Variants in STPG4 observed in about 807,000 individuals in gnomAD.
STPG4 encodes protein STPG4.
STPG4 carries 41 observed loss-of-function variants against 31.5 expected under a neutral mutation model. That is an observed-to-expected ratio of 1.30 (90% confidence interval 1.01 to 1.69). The LOEUF (loss-of-function observed/expected upper bound fraction) is 1.69. STPG4 is among the 40% of genes most tolerant of loss of function. The pLI, the probability that STPG4 is intolerant of heterozygous loss-of-function variation, is 0.00. For synonymous variants in STPG4, 141 were observed against 103.0 expected (o/e 1.37, Z -2.24); for missense variants, 375 against 293.4 (o/e 1.28, Z -2.03).
intron 3 of STPG4, among the ~76,000 whole-genome samples, chr2:47,137,157 T>A (rs1416176049): frequency 6.6e-6 from 1 of 152,212 alleles, no homozygotes; most frequent in Admixed American, 6.5e-5. Context: ...ATTGAGGAAG[T>A]TCCTATTTCT....
chr2:47,100,854 C>A (rs1685783152), intron 5 of STPG4, among the ~76,000 whole-genome samples: 1 of 151,650 alleles, frequency 6.6e-6, no homozygotes. Flanking sequence ...AAACTCCGAA[C>A]ACATCCGAAC....
intron 5 of STPG4, among the ~76,000 whole-genome samples, chr2:47,102,130 C>A (rs189028255): frequency 1.3e-5 from 2 of 151,566 alleles, no homozygotes; most frequent in Non-Finnish European, 2.9e-5. Flanking sequence ...CCAACTATTC[C>A]GATCAGCAGG....
At chr2:47,145,659 A>G (rs1686807328) in intron 3 of STPG4, among the ~76,000 whole-genome samples, 1 of 152,230 alleles carries the variant, frequency 6.6e-6, no homozygotes, top group Non-Finnish European at 1.5e-5. Flanking sequence ...GCCCAGTCAG[A>G]TTTCAGGTAT....
In STPG4 at chr2:47,134,037, C is replaced by CATACATATACAT. The variant is rs144008683; in HGVS notation, c.400-3789_400-3778dup. Among the ~76,000 whole-genome samples, 359 of 151,652 alleles carry CATACATATACAT rather than the reference C, an allele frequency of 2.4e-3. 2 individuals carry two copies. Among genetic ancestry groups the CATACATATACAT allele is most frequent in the South Asian group, 0.016 (75 of 4,788 alleles). On this transcript the variant is annotated intron_variant, in intron 3 of 6. Transcript: ENST00000445927. ...AGCTCTTGGTGTGACTACATATACA[C>CATACATATACAT]ATACATATACATATACATATACATA... is the stretch of plus-strand genomic sequence containing the variant.
At chr2:47,093,440 G>C (rs771494876) in intron 5 of STPG4, among the ~76,000 whole-genome samples, 19 of 152,180 alleles carry the variant, frequency 1.2e-4, no homozygotes, top group Non-Finnish European at 2.2e-4. Flanking sequence ...GTTTGTGCAG[G>C]AGCCTCTCAG....
In STPG4 at chr2:47,107,843, T is replaced by G. The variant is rs187899068; in HGVS notation, c.520-17469A>C. On this transcript the variant is annotated intron_variant, in intron 5 of 6. Transcript: ENST00000445927. Reference sequence around the variant, plus strand: ...GCTCAAGGTTTGTAAACACACCAATTAGCACCCTGTGTCTAGCTCAGGGTT... The same window carrying G: ...GCTCAAGGTTTGTAAACACACCAATGAGCACCCTGTGTCTAGCTCAGGGTT... Among the ~76,000 whole-genome samples, 3 of 150,440 alleles carry G rather than the reference T, an allele frequency of 2.0e-5. No individual in the cohort carries two copies. In the East Asian group the frequency reaches 5.9e-4, roughly 30 times the overall value.
intron 6 of STPG4, among the ~76,000 whole-genome samples, chr2:47,089,972 T>C (rs1027426247): frequency 6.6e-6 from 1 of 152,164 alleles, no homozygotes; most frequent in African/African-American, 2.4e-5. Context: ...CAACAAAGCA[T>C]CTAGTTGGTA....
chr2:47,091,996 T>C (rs1415901882), intron 5 of STPG4, among the ~76,000 whole-genome samples: 1 of 149,258 alleles, frequency 6.7e-6, no homozygotes, highest in Non-Finnish European at 1.5e-5. Context: ...TACTCCCAAA[T>C]GTCATTAAGT....
chr2:47,104,287 C>T (rs1051962507), intron 5 of STPG4, among the ~76,000 whole-genome samples: 29 of 151,930 alleles, frequency 1.9e-4, no homozygotes, highest in Non-Finnish European at 3.7e-4. Context: ...TAAAGGATTA[C>T]GGAATACTGT....
chr2:47,093,081 G>A (rs1027113620), intron 5 of STPG4, among the ~76,000 whole-genome samples: 5 of 152,276 alleles, frequency 3.3e-5, no homozygotes, highest in East Asian at 1.9e-4. Context: ...GTGAGACACC[G>A]CACCCGGCCC....
intron 3 of STPG4, among the ~76,000 whole-genome samples, chr2:47,138,011 T>A: frequency 6.6e-6 from 1 of 152,264 alleles, no homozygotes; most frequent in East Asian, 1.9e-4. Context: ...TTTCTTTCAC[T>A]TACTTTGGAT....
chr2:47,153,904 C>T (rs561259980), intron 1 of STPG4, among the ~76,000 whole-genome samples: 42 of 152,352 alleles, frequency 2.8e-4, no homozygotes, highest in Non-Finnish European at 5.0e-4. Context: ...TGGTATTCCT[C>T]AGTTTCCAAG....
At chr2:47,117,571 A>C (rs1287390392) in intron 5 of STPG4, among the ~76,000 whole-genome samples, 1 of 152,148 alleles carries the variant, frequency 6.6e-6, no homozygotes, top group African/African-American at 2.4e-5. Flanking sequence ...TCAAGTTCCC[A>C]CATTAGCCAG....
At position 47,087,033 on chromosome 2, in the gene STPG4, T is replaced by C. The variant is rs886493230; in HGVS notation, c.722A>G (p.Asn241Ser). The change falls in exon 7 of 7, where the codon AAC becomes AGC. Residue 241 changes from asparagine to serine, a missense_variant. Physicochemically the swap from Asn to Ser is conservative, Grantham distance 46. Coordinates refer to ENST00000445927, the MANE Select transcript of STPG4 (RefSeq NM_001163561.2). The part of the protein sequence containing the change: ...KMGQEHSLFF[N>S]NNNWLLK ...TTATTTTAAAAGCCAATTGTTGTTG[T>C]TGAAGAAAAGGCTATGCTCTTGGCC... 5 of 1,551,650 alleles carry C rather than the reference T, an allele frequency of 3.2e-6. No individual in the cohort carries two copies. In the African/African-American group the frequency reaches 4.1e-5, roughly 13 times the overall value.
intron 3 of STPG4, among the ~76,000 whole-genome samples, chr2:47,133,787 C>G (rs917812417): frequency 6.6e-6 from 1 of 151,792 alleles, no homozygotes; most frequent in South Asian, 2.1e-4. Flanking sequence ...ATGTTGGTCA[C>G]GCTGGTCTCA....
chr2:47,092,322 G>T (rs1337411631), intron 5 of STPG4, among the ~76,000 whole-genome samples: 2 of 148,942 alleles, frequency 1.3e-5, no homozygotes, highest in African/African-American at 4.9e-5. Flanking sequence ...TTGAGGTCAG[G>T]AGTTCAAGAC....
intron 5 of STPG4, among the ~76,000 whole-genome samples, chr2:47,115,275 G>A (rs1686122453): frequency 6.6e-6 from 1 of 151,806 alleles, no homozygotes. Context: ...TCAGCTTGCT[G>A]CACAGTGGTC....
chr2:47,100,574 T>C (rs542727112), intron 5 of STPG4, among the ~76,000 whole-genome samples: 8,022 of 150,408 alleles, frequency 0.053, 252 homozygotes, highest in African/African-American at 0.1. Context: ...GGCAACCCAC[T>C]CGAGTCCCCT....
chr2:47,087,501 G>T (rs1048212086), intron 6 of STPG4, among the ~76,000 whole-genome samples: 3 of 152,210 alleles, frequency 2.0e-5, no homozygotes, highest in Admixed American at 6.5e-5. Context: ...TTCCCCCGGT[G>T]ACCTCAGCCT....
Sources: gnomAD v4.1 joint callset for allele counts (sites outside exome capture counted in the v4.1 genomes callset) on GRCh38, gnomAD v4.1.1 for gene constraint, MANE v1.5 for transcripts, NCBI Gene and HGNC (gene_info 2026-07-23, HGNC 2026-07-21) for gene names.